Variants in CEP164 observed in about 807,000 individuals in gnomAD.
CEP164 encodes centrosomal protein 164, also known as centrosomal protein of 164 kDa.
A neutral mutation model predicts 182.7 loss-of-function variants in CEP164; 162 were observed. The observed-to-expected ratio is 0.89, with a 90% confidence interval of 0.78 to 1.01. CEP164 has a LOEUF of 1.01. CEP164 is among the 50% of genes least tolerant of loss of function. The pLI is 0.00. For synonymous variants in CEP164, 661 were observed against 690.0 expected (o/e 0.96, Z 0.66); for missense variants, 1,735 against 1,790.4 (o/e 0.97, Z 0.56).
chr11:117,409,628 C>A lies in CEP164; in HGVS notation c.3759C>A (p.Thr1253=). The A allele has an allele frequency of 6.2e-7, 1 of 1,607,706 alleles. No individual in the cohort carries two copies. Residue 1253 remains threonine, a synonymous_variant, in exon 30 of 33, where the codon ACC becomes ACA. Transcript: ENST00000278935. This position sits in a 1 kb window ranked among gnomAD's most constrained non-coding sequence, Gnocchi z 4.4. ...EWWRQQRIDS[T]PSLTSRKIHG... The stretch of plus-strand genomic sequence containing the variant: ...CCTCTTTTCTTTCAGTCGACTCAAC[C>A]CCGAGTCTCACCTCCCGCAAGATCC...
At position 117,412,960 on chromosome 11, in the gene CEP164, T is replaced by C. The variant is rs8258; in HGVS notation, c.*792T>C. Reference sequence around the variant, plus strand: ...CTGGGTTGGCTTCTGGTCCTCATGATGGCTTTTATCCTCCTGGGACACTTT... The same window carrying C: ...CTGGGTTGGCTTCTGGTCCTCATGACGGCTTTTATCCTCCTGGGACACTTT... On this transcript the variant is annotated 3_prime_UTR_variant, in exon 33 of 33. Transcript: ENST00000278935. The C allele has an allele frequency of 0.6, 91,236 of 152,122 alleles. 27,935 individuals are homozygous for C. The highest frequency in any genetic ancestry group is 0.65 in the African/African-American group (26,848 of 41,504). The allele number at this position is 152,122 out of a possible 1,614,324, so 9.4% of individuals were successfully genotyped here. A position where few individuals can be genotyped will look rare whatever the true frequency, so the allele number is the denominator to read the frequency against.
chr11:117,392,338 G>A (rs376750914), intron 18 of CEP164, 35 bp downstream of exon 18: 25 of 1,596,860 alleles, frequency 1.6e-5, no homozygotes, highest in Non-Finnish European at 2.1e-5. Flanking sequence ...CTTCATGGCT[G>A]ATTAGCAGAA....
chr11:117,399,361 A>C (rs576699512), intron 27 of CEP164, among the ~76,000 whole-genome samples: 14 of 152,048 alleles, frequency 9.2e-5, no homozygotes, highest in South Asian at 2.1e-4. Context: ...TATGTGCCAC[A>C]TTTTCTTTAT....
chr11:117,375,603 A>G, intron 10 of CEP164, 105 bp from the exon 11 acceptor site: 1 of 855,412 alleles, frequency 1.2e-6, no homozygotes, highest in Non-Finnish European at 2.0e-6. Flanking sequence ...AGCTGGGCAC[A>G]TAATAGACAT....
chr11:117,332,285 G>A (rs1220158333), intron 1 of CEP164, among the ~76,000 whole-genome samples: 1 of 152,036 alleles, frequency 6.6e-6, no homozygotes, highest in African/African-American at 2.4e-5. Flanking sequence ...CATAAAAAAA[G>A]TAATATTGGC....
intron 8 of CEP164, among the ~76,000 whole-genome samples, chr11:117,367,886 T>C (rs935576325): frequency 2.0e-5 from 3 of 152,242 alleles, no homozygotes; most frequent in Admixed American, 6.5e-5. Context: ...AGTTAATTAA[T>C]AGCTAACATT....
chr11:117,340,894 C>T (rs2038012477), intron 3 of CEP164, among the ~76,000 whole-genome samples: 2 of 152,156 alleles, frequency 1.3e-5, no homozygotes, highest in South Asian at 2.1e-4. Context: ...ACTGCAATGG[C>T]GTGAGCTCGG....
At position 117,411,115 on chromosome 11, in the gene CEP164, GA is replaced by G; in HGVS notation, c.4163+223del. On this transcript the variant is annotated intron_variant, in intron 31 of 32. Coordinates refer to ENST00000278935, the MANE Select transcript of CEP164 (RefSeq NM_014956.5). The surrounding 1 kb of genome is among the most constrained non-coding windows in gnomAD (Gnocchi z 4.4). Reference sequence around the variant, plus strand: ...TTCACACCGCCAAGGTCCCAGTGGGGAAGGGCTGGGCTTACCCTGCCAACCC... The same window carrying G: ...TTCACACCGCCAAGGTCCCAGTGGGGAGGGCTGGGCTTACCCTGCCAACCC... 1 of 543,812 alleles carries G rather than the reference GA, an allele frequency of 1.8e-6. No homozygotes were observed. Among genetic ancestry groups the G allele is most frequent in the Non-Finnish European group, 3.3e-6 (1 of 299,610 alleles). 33.7% of individuals were successfully genotyped at this position (543,812 alleles called of 1,614,324 possible). A position where few individuals can be genotyped will look rare whatever the true frequency, so the allele number is the denominator to read the frequency against.
chr11:117,345,552 G>A (rs2038765929), intron 4 of CEP164, among the ~76,000 whole-genome samples: 1 of 152,166 alleles, frequency 6.6e-6, no homozygotes, highest in African/African-American at 2.4e-5. Flanking sequence ...TGTAGACAAG[G>A]CGTAATCATC....
At chr11:117,363,527 A>G (rs1438583750) in intron 8 of CEP164, 21 bp downstream of exon 8, 1 of 1,561,316 alleles carries the variant, frequency 6.4e-7, no homozygotes, top group East Asian at 2.2e-5. Flanking sequence ...TAATCCCTAC[A>G]GGCACATGTG....
intron 14 of CEP164, chr11:117,384,685 T>C (rs565245303): frequency 1.3e-5 from 2 of 152,378 alleles, no homozygotes; most frequent in South Asian, 4.1e-4. Flanking sequence ...TTTCAGTTTA[T>C]ACCATCCCCT....
chr11:117,411,143 C>T lies in CEP164; in HGVS notation c.4163+249C>T, dbSNP rs970364739. 2.1e-6 allele frequency: 1 copy of T among 472,152 alleles called. No individual in the cohort carries two copies. The highest frequency in any genetic ancestry group is 1.9e-5 in the African/African-American group (1 of 51,710). The allele number at this position is 472,152 out of a possible 1,614,324, so 29.2% of individuals were successfully genotyped here. On this transcript the variant is annotated intron_variant, in intron 31 of 32. Transcript: ENST00000278935. This position sits in a 1 kb window ranked among gnomAD's most constrained non-coding sequence, Gnocchi z 4.4. ...GGGCTGGGCTTACCCTGCCAACCCC[C>T]TGAGGAAGCTGCCCTCTGGCCCCTG...
chr11:117,377,550 G>C (rs773017164), intron 11 of CEP164, among the ~76,000 whole-genome samples: 12 of 152,200 alleles, frequency 7.9e-5, no homozygotes, highest in Non-Finnish European at 1.5e-4. Context: ...CTGGAGGAGA[G>C]AGCAGCAGCC....
intron 1 of CEP164, among the ~76,000 whole-genome samples, chr11:117,331,807 T>C (rs925378267): frequency 1.3e-5 from 2 of 151,002 alleles, no homozygotes; most frequent in African/African-American, 4.9e-5. Context: ...AGTATGGTGG[T>C]ACAATCATAG....
rs1210495290 is a variant in CEP164 at position 117,408,030 on chromosome 11, G to A, written c.3607G>A (p.Glu1203Lys). The A allele has an allele frequency of 1.9e-6, 3 of 1,579,966 alleles. No homozygotes were observed. Among genetic ancestry groups the A allele is most frequent in the South Asian group, 1.2e-5 (1 of 86,004 alleles). Reference sequence around the variant, plus strand: ...TCAGTTGGAGTCCTCTCTTTGGGAAGAGGTGCAGCCCCATGTCCACATAGT... The same window carrying A: ...TCAGTTGGAGTCCTCTCTTTGGGAAAAGGTGCAGCCCCATGTCCACATAGT... Reference protein sequence around the residue: ...LNQLESSLWEEASDEGTLGGS... With the variant: ...LNQLESSLWEKASDEGTLGGS... The change falls in exon 28 of 33, where the codon GAG becomes AAG. Residue 1203 changes from glutamate (E) to lysine (K), a missense_variant and splice_region_variant. Coordinates refer to ENST00000278935, the MANE Select transcript of CEP164 (RefSeq NM_014956.5).
At chr11:117,396,499 G>C (rs185494260) in intron 25 of CEP164, 51 bp from the exon 26 acceptor site, 167 of 1,474,582 alleles carry the variant, frequency 1.1e-4, no homozygotes, top group Non-Finnish European at 1.6e-4. Context: ...TGAACCTGCA[G>C]GGTGTCTGCT....
intron 27 of CEP164, among the ~76,000 whole-genome samples, chr11:117,405,308 C>G (rs1481421153): frequency 6.6e-6 from 1 of 152,200 alleles, no homozygotes; most frequent in Non-Finnish European, 1.5e-5. Flanking sequence ...ATCTCCTGGT[C>G]TGCGGGTTGC....
chr11:117,326,585 A>G (rs1287278042), upstream of CEP164, among the ~76,000 whole-genome samples: 2 of 152,118 alleles, frequency 1.3e-5, no homozygotes, highest in Non-Finnish European at 2.9e-5. Context: ...AGTTTTTGTT[A>G]TCAGGTATTC....
upstream of CEP164, among the ~76,000 whole-genome samples, chr11:117,325,634 C>T (rs1565379817): frequency 6.6e-6 from 1 of 152,152 alleles, no homozygotes. Flanking sequence ...GATCTGCCTG[C>T]CTCGGCCTCC....
Sources: gnomAD v4.1 joint callset for allele counts (sites outside exome capture counted in the v4.1 genomes callset) on GRCh38, gnomAD v4.1.1 for gene constraint, Gnocchi (gnomAD v3.1) non-coding constraint, MANE v1.5 for transcripts, NCBI Gene and HGNC (gene_info 2026-07-23, HGNC 2026-07-21) for gene names.